TOX: variants seen among roughly 807,000 people sequenced by gnomAD.
TOX encodes thymocyte selection associated high mobility group box.
A neutral mutation model predicts 53.7 loss-of-function variants in TOX; 11 were observed. That is an observed-to-expected ratio of 0.20 (90% confidence interval 0.13 to 0.34). TOX has a LOEUF of 0.34. Among genes scored for constraint, TOX ranks in the 10% least tolerant of loss-of-function variants. TOX has a pLI of 1.00. For missense variants in TOX, 570 were observed against 664.6 expected, an observed-to-expected ratio of 0.86 and a Z score of 1.56; for synonymous variants, 225 against 245.3, an observed-to-expected ratio of 0.92 and a Z score of 0.77.
At chr8:59,072,557 T>G (rs1804215648) in intron 1 of TOX, among the ~76,000 whole-genome samples, 1 of 152,164 alleles carries the variant, frequency 6.6e-6, no homozygotes, top group South Asian at 2.1e-4. Context: ...AGAAATGAAT[T>G]AAGAAATTGG....
intron 1 of TOX, among the ~76,000 whole-genome samples, chr8:59,004,794 A>T (rs965024788): frequency 6.6e-6 from 1 of 152,226 alleles, no homozygotes; most frequent in Middle Eastern, 3.2e-3. Context: ...AACATAGTAA[A>T]TAGTAACTAT....
At chr8:59,092,890 A>C (rs1365175641) in intron 1 of TOX, among the ~76,000 whole-genome samples, 3 of 152,184 alleles carry the variant, frequency 2.0e-5, no homozygotes, top group African/African-American at 7.2e-5. Context: ...CCTAGAACAG[A>C]GTAAGTGCCC....
intron 3 of TOX, among the ~76,000 whole-genome samples, chr8:58,910,512 T>A (rs1340568870): frequency 6.6e-6 from 1 of 152,202 alleles, no homozygotes; most frequent in African/African-American, 2.4e-5. Context: ...ATGTATGCAA[T>A]GGATATATTC....
At chr8:59,037,801 C>CAAA (rs769397049) in intron 1 of TOX, among the ~76,000 whole-genome samples, 1,280 of 97,976 alleles carry the variant, frequency 0.013, 40 homozygotes, top group African/African-American at 0.043. Flanking sequence ...GACTCCATCT[C>CAAA]AAAAAAAAAA....
chr8:58,838,838 A>T (rs1810594543), intron 4 of TOX, among the ~76,000 whole-genome samples: 2 of 151,010 alleles, frequency 1.3e-5, no homozygotes, highest in East Asian at 3.9e-4. Context: ...GACAGCTGGG[A>T]CTACAGACGC....
At chr8:59,100,037 T>A (rs1023727907) in intron 1 of TOX, among the ~76,000 whole-genome samples, 6 of 152,158 alleles carry the variant, frequency 3.9e-5, no homozygotes, top group African/African-American at 1.4e-4. Context: ...GCATCTTTTT[T>A]TTTTTCCCAT....
chr8:58,816,887 G>T (rs1399820462), intron 6 of TOX, among the ~76,000 whole-genome samples: 6 of 152,116 alleles, frequency 3.9e-5, no homozygotes, highest in Non-Finnish European at 8.8e-5. Context: ...CTCAGGCCGG[G>T]TAGCTTCATT....
chr8:58,948,747 T>C (rs1208112566), intron 2 of TOX, among the ~76,000 whole-genome samples: 1 of 152,200 alleles, frequency 6.6e-6, no homozygotes, highest in African/African-American at 2.4e-5. Context: ...AATTCTCATA[T>C]TGAGTTCGTA....
At chr8:59,072,062 T>C (rs1222044960) in intron 1 of TOX, among the ~76,000 whole-genome samples, 1 of 152,224 alleles carries the variant, frequency 6.6e-6, no homozygotes, top group Non-Finnish European at 1.5e-5. Context: ...TATATTCTCC[T>C]TCCTTTTCCA....
intron 1 of TOX, among the ~76,000 whole-genome samples, chr8:59,003,351 A>G (rs1178285582): frequency 6.6e-6 from 1 of 152,142 alleles, no homozygotes; most frequent in Admixed American, 6.5e-5. Flanking sequence ...TGTTACTATG[A>G]CTTGTCAGCT....
intron 2 of TOX, among the ~76,000 whole-genome samples, chr8:58,953,670 G>C (rs997249957): frequency 4.6e-5 from 7 of 152,158 alleles, no homozygotes; most frequent in African/African-American, 1.4e-4. Flanking sequence ...GCCAGACTTT[G>C]TTGGGCTAAC....
chr8:59,007,785 T>C (rs1563416401), intron 1 of TOX, among the ~76,000 whole-genome samples: 1 of 152,234 alleles, frequency 6.6e-6, no homozygotes, highest in Non-Finnish European at 1.5e-5. Context: ...AAATATTCTC[T>C]AGAGATATTA....
At chr8:58,960,132 T>C in intron 1 of TOX, 124 bp from the exon 2 acceptor site, 1 of 996,514 alleles carries the variant, frequency 1.0e-6, no homozygotes, top group Non-Finnish European at 1.5e-6. Flanking sequence ...ATACTGCGGC[T>C]GGGACTATGG....
chr8:59,003,239 C>T (rs1048908026), intron 1 of TOX, among the ~76,000 whole-genome samples: 18 of 152,008 alleles, frequency 1.2e-4, no homozygotes, highest in Admixed American at 2.0e-4. Flanking sequence ...GAACAACTTG[C>T]GCGGTATTAT....
intron 1 of TOX, among the ~76,000 whole-genome samples, chr8:59,039,127 G>A (rs1401988916): frequency 6.6e-6 from 1 of 152,154 alleles, no homozygotes; most frequent in East Asian, 1.9e-4. Flanking sequence ...AGTCACTTAC[G>A]AACCACACTG....
intron 3 of TOX, among the ~76,000 whole-genome samples, chr8:58,872,414 A>G (rs190697774): frequency 6.6e-6 from 1 of 152,236 alleles, no homozygotes; most frequent in African/African-American, 2.4e-5. Context: ...TTCCTTAAAC[A>G]TGGGCTGAAT....
chr8:59,013,413 C>T (rs1019043380), intron 1 of TOX, among the ~76,000 whole-genome samples: 6 of 146,374 alleles, frequency 4.1e-5, no homozygotes, highest in South Asian at 2.2e-4. Context: ...TCAGATAGGC[C>T]TTTTTTTTTT....
At chr8:59,018,568 C>T (rs1181278258) in intron 1 of TOX, among the ~76,000 whole-genome samples, 1 of 152,082 alleles carries the variant, frequency 6.6e-6, no homozygotes, top group Admixed American at 6.6e-5. Context: ...CCCAGGGGTT[C>T]CGAGTCACAC....
intron 2 of TOX, among the ~76,000 whole-genome samples, chr8:58,949,579 A>G (rs1812584015): frequency 1.3e-5 from 2 of 152,194 alleles, no homozygotes; most frequent in African/African-American, 4.8e-5. Flanking sequence ...TTATAGAACT[A>G]GTTGGGCAGA....
Sources: allele counts gnomAD v4.1 joint callset (sites outside exome capture counted in the v4.1 genomes callset), GRCh38; gene constraint gnomAD v4.1.1; transcripts MANE v1.5; gene names NCBI Gene and HGNC (gene_info 2026-07-23, HGNC 2026-07-21).